JAZF1: variants seen among roughly 807,000 people sequenced by gnomAD.
The protein encoded by JAZF1 is JAZF zinc finger 1, also known as juxtaposed with another zinc finger protein 1.
In JAZF1, 8 loss-of-function variants were observed where a neutral mutation model predicts 26.4. The observed-to-expected ratio is 0.30, with a 90% confidence interval of 0.18 to 0.55. JAZF1 has a LOEUF of 0.55. Ranked by LOEUF, JAZF1 falls within the 20% of genes least tolerant of loss-of-function variation. JAZF1 has a pLI of 0.94. For synonymous variants in JAZF1, 126 were observed against 122.3 expected (o/e 1.03, Z -0.20); for missense variants, 199 against 322.0 (o/e 0.62, Z 2.92).
intron 1 of JAZF1, among the ~76,000 whole-genome samples, chr7:28,055,719 A>C (rs1461533784): frequency 1.3e-5 from 2 of 152,218 alleles, no homozygotes; most frequent in Non-Finnish European, 2.9e-5. Flanking sequence ...GCTGGCACAT[A>C]GTAGATGCAC....
At chr7:28,050,020 A>G (rs1266130626) in intron 1 of JAZF1, among the ~76,000 whole-genome samples, 1 of 152,058 alleles carries the variant, frequency 6.6e-6, no homozygotes, top group Non-Finnish European at 1.5e-5. Context: ...CAACCTTCTA[A>G]CCATGGCTTG....
chr7:28,040,359 G>A (rs541377760), intron 1 of JAZF1, among the ~76,000 whole-genome samples: 1 of 152,312 alleles, frequency 6.6e-6, no homozygotes, highest in South Asian at 2.1e-4. Context: ...ATCTAGATGG[G>A]AAAATAACAA....
intron 2 of JAZF1, among the ~76,000 whole-genome samples, chr7:27,911,937 AC>A (rs1288927446): frequency 6.6e-6 from 1 of 152,208 alleles, no homozygotes; most frequent in Non-Finnish European, 1.5e-5. Context: ...CATCTGGGGT[AC>A]AAACATTATT....
chr7:27,887,590 A>G (rs1222661964), intron 3 of JAZF1, among the ~76,000 whole-genome samples: 1 of 151,778 alleles, frequency 6.6e-6, no homozygotes. Context: ...TAATTTTTGT[A>G]TTTTTAGTAG....
At chr7:27,868,578 T>A (rs1783522735) in intron 3 of JAZF1, among the ~76,000 whole-genome samples, 1 of 152,182 alleles carries the variant, frequency 6.6e-6, no homozygotes, top group African/African-American at 2.4e-5. Flanking sequence ...TGTCACTTCC[T>A]CTGAAGACTG....
chr7:27,875,717 T>TA (rs1385224464), intron 3 of JAZF1, among the ~76,000 whole-genome samples: 1 of 152,238 alleles, frequency 6.6e-6, no homozygotes, highest in Non-Finnish European at 1.5e-5. Flanking sequence ...ATGTGAATCT[T>TA]ACCATCTGTC....
At chr7:28,061,982 G>A (rs1437744991) in intron 1 of JAZF1, among the ~76,000 whole-genome samples, 1 of 152,218 alleles carries the variant, frequency 6.6e-6, no homozygotes, top group Non-Finnish European at 1.5e-5. Flanking sequence ...GCCTAACGGT[G>A]AAGGACGGAG....
intron 1 of JAZF1, among the ~76,000 whole-genome samples, chr7:28,165,377 G>A (rs1026212054): frequency 2.6e-5 from 4 of 152,226 alleles, no homozygotes; most frequent in Admixed American, 1.3e-4. Flanking sequence ...GCCAGTTAGG[G>A]CTTCTCAGGT....
intron 1 of JAZF1, among the ~76,000 whole-genome samples, chr7:28,025,480 TA>T (rs890337795): frequency 1.4e-4 from 6 of 42,574 alleles, no homozygotes; most frequent in African/African-American, 5.1e-4. Flanking sequence ...CATGGCTAAA[TA>T]AGAGCATAAG....
At chr7:27,847,590 C>G (rs553068168) in intron 3 of JAZF1, among the ~76,000 whole-genome samples, 1 of 152,306 alleles carries the variant, frequency 6.6e-6, no homozygotes, top group South Asian at 2.1e-4. Context: ...CAGTTGAATA[C>G]ATGTGGGCTC....
intron 1 of JAZF1, 88 bp from the exon 2 acceptor site, chr7:27,992,069 G>C (rs1038094972): frequency 2.4e-6 from 2 of 823,066 alleles, no homozygotes; most frequent in Admixed American, 3.5e-5. Context: ...AGGCTAAGCA[G>C]AGAAAAAGAT....
At chr7:28,146,133 T>C (rs1036152357) in intron 1 of JAZF1, among the ~76,000 whole-genome samples, 4 of 152,210 alleles carry the variant, frequency 2.6e-5, no homozygotes, top group Non-Finnish European at 4.4e-5. Flanking sequence ...GGAACAAAAA[T>C]AGCACCTGTC....
At chr7:27,878,879 T>C (rs1783723665) in intron 3 of JAZF1, among the ~76,000 whole-genome samples, 1 of 152,206 alleles carries the variant, frequency 6.6e-6, no homozygotes, top group Admixed American at 6.5e-5. Flanking sequence ...AGGCAACAAC[T>C]ACTGAAATGG....
At chr7:27,838,789 C>T (rs1396004944) in intron 4 of JAZF1, among the ~76,000 whole-genome samples, 1 of 152,210 alleles carries the variant, frequency 6.6e-6, no homozygotes, top group African/African-American at 2.4e-5. Flanking sequence ...CACAAGCCTG[C>T]TATGGCCCTG....
At chr7:28,075,618 A>C (rs1784038948) in intron 1 of JAZF1, among the ~76,000 whole-genome samples, 2 of 152,228 alleles carry the variant, frequency 1.3e-5, no homozygotes, top group Admixed American at 1.3e-4. Flanking sequence ...CTGTTCTATA[A>C]GTGACTTACT....
intron 1 of JAZF1, among the ~76,000 whole-genome samples, chr7:28,158,874 C>T (rs1052309014): frequency 1.3e-5 from 2 of 152,128 alleles, no homozygotes; most frequent in African/African-American, 2.4e-5. Flanking sequence ...AGAAAATGAG[C>T]TGCTCATTTT....
At chr7:28,153,336 A>G (rs1373146334) in intron 1 of JAZF1, among the ~76,000 whole-genome samples, 1 of 152,228 alleles carries the variant, frequency 6.6e-6, no homozygotes, top group Non-Finnish European at 1.5e-5. Flanking sequence ...AAAAATTAGC[A>G]ACAATGTATT....
chr7:27,996,511 T>G lies in JAZF1; in HGVS notation c.116-4530A>C, dbSNP rs200613621. ...ATGCCCACCCAGCCAGATGAGTAATTTTGAAGATCTGGGCTGGATACGACA... is the reference window on the plus strand; with the variant it reads ...ATGCCCACCCAGCCAGATGAGTAATGTTGAAGATCTGGGCTGGATACGACA... On this transcript the variant is annotated intron_variant, in intron 1 of 4. Transcript: ENST00000283928. Among the ~76,000 whole-genome samples, 14 of 152,264 alleles carry G rather than the reference T, an allele frequency of 9.2e-5. No individual in the cohort carries two copies. In the East Asian group the frequency reaches 2.5e-3, roughly 27 times the overall value.
At chr7:28,089,439 A>G (rs1276611060) in intron 1 of JAZF1, among the ~76,000 whole-genome samples, 1 of 152,238 alleles carries the variant, frequency 6.6e-6, no homozygotes. Context: ...ATAATAGCCC[A>G]AGCTAAAACA....
Sources: gnomAD v4.1 joint callset for allele counts (sites outside exome capture counted in the v4.1 genomes callset) on GRCh38, gnomAD v4.1.1 for gene constraint, MANE v1.5 for transcripts, NCBI Gene and HGNC (gene_info 2026-07-23, HGNC 2026-07-21) for gene names.